Variants in GRK3 observed in about 807,000 individuals in gnomAD.
GRK3 encodes G protein-coupled receptor kinase 3, also known as adrenergic, beta, receptor kinase 2.
In GRK3, 54 loss-of-function variants were observed where a neutral mutation model predicts 95.7. The ratio of observed to expected loss-of-function variants is 0.56; its 90% confidence interval spans 0.45 to 0.71. The LOEUF is 0.71. GRK3 is among the 30% of genes least tolerant of loss of function. The pLI, the probability that GRK3 is intolerant of heterozygous loss-of-function variation, is 0.00. For synonymous variants in GRK3, 281 were observed against 290.8 expected (o/e 0.97, Z 0.34); for missense variants, 649 against 851.2 (o/e 0.76, Z 2.96).
chr22:25,679,040 T>C (rs1428560200), intron 9 of GRK3, 125 bp downstream of exon 9: 1 of 582,474 alleles, frequency 1.7e-6, no homozygotes, highest in African/African-American at 1.9e-5. Flanking sequence ...TAGAATCTGA[T>C]AGTATCTCTT....
At chr22:25,604,003 TGTG>T (rs1188047816) in intron 1 of GRK3, among the ~76,000 whole-genome samples, 4 of 152,134 alleles carry the variant, frequency 2.6e-5, no homozygotes, top group Non-Finnish European at 2.9e-5. Flanking sequence ...GAGCAGAATT[TGTG>T]GTGGGGGGGC....
intron 1 of GRK3, among the ~76,000 whole-genome samples, chr22:25,583,054 C>G (rs1157409803): frequency 6.6e-6 from 1 of 152,194 alleles, no homozygotes; most frequent in African/African-American, 2.4e-5. Context: ...AGTCTATCTG[C>G]TTAGATAGCG....
intron 2 of GRK3, among the ~76,000 whole-genome samples, chr22:25,609,799 A>G (rs966887033): frequency 2.3e-4 from 35 of 151,942 alleles, no homozygotes; most frequent in African/African-American, 7.7e-4. Context: ...TTTGTGTGAA[A>G]TAATTTGGTG....
intron 12 of GRK3, 46 bp downstream of exon 12, chr22:25,690,329 C>T: frequency 1.4e-6 from 2 of 1,401,858 alleles, no homozygotes; most frequent in Non-Finnish European, 2.0e-6. Flanking sequence ...CTCTCCTGCC[C>T]TTTCAAAGGC....
intron 1 of GRK3, among the ~76,000 whole-genome samples, chr22:25,568,864 G>A (rs888624196): frequency 6.6e-6 from 1 of 152,172 alleles, no homozygotes; most frequent in Non-Finnish European, 1.5e-5. Flanking sequence ...CATGATGTTT[G>A]GTGTTTTACA....
intron 2 of GRK3, among the ~76,000 whole-genome samples, chr22:25,609,792 G>A (rs913685521): frequency 1.3e-5 from 2 of 150,292 alleles, no homozygotes; most frequent in African/African-American, 4.9e-5. Flanking sequence ...TTTTCAATTT[G>A]TGTGAAATAA....
intron 2 of GRK3, among the ~76,000 whole-genome samples, chr22:25,614,926 C>T (rs2084526685): frequency 6.6e-6 from 1 of 152,096 alleles, no homozygotes; most frequent in African/African-American, 2.4e-5. Context: ...GGCTCCCATC[C>T]CTAACCAGCT....
At chr22:25,595,657 TA>T (rs1175109208) in intron 1 of GRK3, among the ~76,000 whole-genome samples, 7 of 151,994 alleles carry the variant, frequency 4.6e-5, no homozygotes, top group Non-Finnish European at 8.8e-5. Context: ...TTTAAATAAA[TA>T]AAAAATTGCC....
rs189303523 is a variant in GRK3 at position 25,585,429 on chromosome 22, A to G, written c.114-18948A>G. Among the ~76,000 whole-genome samples, 465 of 152,326 alleles carry G rather than the reference A, an allele frequency of 3.1e-3. 4 individuals are homozygous for G. The highest frequency in any genetic ancestry group is 0.01 in the African/African-American group (424 of 41,564). On this transcript the variant is annotated intron_variant, in intron 1 of 20. Transcript: ENST00000324198. ...TGCTATCCATTAATTAAAACTATTT[A>G]TTATCAATTACCAATTATCAATTCT...
intron 13 of GRK3, among the ~76,000 whole-genome samples, chr22:25,697,888 ATT>A: frequency 6.6e-6 from 1 of 152,328 alleles, no homozygotes; most frequent in Non-Finnish European, 1.5e-5. Context: ...ATCTCATGCC[ATT>A]CCTTCTATTG....
At chr22:25,687,744 TAG>T in intron 11 of GRK3, 77 bp downstream of exon 11, 2 of 1,522,042 alleles carry the variant, frequency 1.3e-6, no homozygotes, top group Non-Finnish European at 1.8e-6. Context: ...TTCTATTTCA[TAG>T]AGTCCTGTCA....
intron 10 of GRK3, among the ~76,000 whole-genome samples, chr22:25,687,012 G>A (rs1337180489): frequency 6.6e-6 from 1 of 152,082 alleles, no homozygotes; most frequent in Non-Finnish European, 1.5e-5. Context: ...TAGAGACGGA[G>A]TTTCACCATG....
intron 10 of GRK3, among the ~76,000 whole-genome samples, chr22:25,686,541 G>A (rs538519625): frequency 7.2e-5 from 11 of 152,262 alleles, no homozygotes; most frequent in African/African-American, 1.9e-4. Context: ...ATATGCTTGC[G>A]AAAGCAAGGG....
At chr22:25,685,286 CTT>C in intron 10 of GRK3, 38 bp downstream of exon 10, 8 of 1,476,486 alleles carry the variant, frequency 5.4e-6, no homozygotes, top group Non-Finnish European at 7.6e-6. Context: ...CCTTGAAAGA[CTT>C]TGCCATGATG....
chr22:25,595,316 A>C (rs2084365208), intron 1 of GRK3, among the ~76,000 whole-genome samples: 2 of 152,216 alleles, frequency 1.3e-5, no homozygotes, highest in African/African-American at 4.8e-5. Flanking sequence ...GTTTCAGGAT[A>C]CAAAATCAAT....
chr22:25,699,674 A>ATTTTC (rs200739535), intron 13 of GRK3, among the ~76,000 whole-genome samples: 351 of 139,992 alleles, frequency 2.5e-3, no homozygotes, highest in African/African-American at 6.2e-3. Flanking sequence ...GGGTCTTTCT[A>ATTTTC]TTTTCTTTTC....
At chr22:25,675,848 G>A (rs2085024263) in intron 8 of GRK3, among the ~76,000 whole-genome samples, 1 of 152,198 alleles carries the variant, frequency 6.6e-6, no homozygotes, top group South Asian at 2.1e-4. Flanking sequence ...CCTGGGCAGG[G>A]CGAGCCTGAT....
chr22:25,647,826 A>C, intron 3 of GRK3: 1 of 816,116 alleles, frequency 1.2e-6, no homozygotes, highest in South Asian at 1.3e-5. Context: ...GAGAGAGTGA[A>C]ATGGCTGGGT....
At chr22:25,573,772 A>G (rs966947673) in intron 1 of GRK3, among the ~76,000 whole-genome samples, 1 of 152,068 alleles carries the variant, frequency 6.6e-6, no homozygotes, top group Non-Finnish European at 1.5e-5. Context: ...GGTGGCAGGC[A>G]CCCACAATCC....
Sources: gnomAD v4.1 joint callset for allele counts (sites outside exome capture counted in the v4.1 genomes callset) on GRCh38, gnomAD v4.1.1 for gene constraint, MANE v1.5 for transcripts, NCBI Gene and HGNC (gene_info 2026-07-23, HGNC 2026-07-21) for gene names.